Variants in COP1 observed in about 807,000 individuals in gnomAD.
The protein encoded by COP1 is E3 ubiquitin-protein ligase COP1.
In COP1, 24 loss-of-function variants were observed where a neutral mutation model predicts 101.3. That is an observed-to-expected ratio of 0.24 (90% CI 0.17 to 0.33). The LOEUF (loss-of-function observed/expected upper bound fraction) is 0.33, where lower values mean the gene tolerates loss of function less well. Among genes scored for constraint, COP1 ranks in the 10% least tolerant of loss-of-function variants. The pLI is 1.00. For synonymous variants in COP1, 347 were observed against 341.9 expected (o/e 1.01, Z -0.17); for missense variants, 663 against 906.2 (o/e 0.73, Z 3.45).
chr1:176,013,471 T>C (rs918824770), intron 15 of COP1, among the ~76,000 whole-genome samples: 1 of 152,176 alleles, frequency 6.6e-6, no homozygotes, highest in African/African-American at 2.4e-5. Context: ...GATTTAAGTT[T>C]CATTTAATGA....
intron 15 of COP1, among the ~76,000 whole-genome samples, chr1:175,997,590 G>C (rs553561504): frequency 6.6e-6 from 1 of 151,754 alleles, no homozygotes; most frequent in Non-Finnish European, 1.5e-5. Flanking sequence ...TGGGCGAAGG[G>C]AATGAACAGA....
rs1413220137 is a variant in COP1 at position 176,110,855 on chromosome 1, T to C, written c.1026+5769A>G. The stretch of plus-strand genomic sequence containing the variant: ...TATCAGTTTCCTTCTCAATAAAAAA[T>C]AGTAATAGAATTTATCAGCAGGGCG... On this transcript the variant is annotated intron_variant, in intron 9 of 19. Transcript: ENST00000367669. Among the ~76,000 whole-genome samples, 5 of 152,242 alleles carry C rather than the reference T, an allele frequency of 3.3e-5. No homozygotes were observed. In the East Asian group the frequency reaches 7.7e-4, roughly 24 times the overall value.
chr1:175,954,128 A>C (rs969720536), intron 18 of COP1, among the ~76,000 whole-genome samples: 25 of 152,234 alleles, frequency 1.6e-4, no homozygotes, highest in South Asian at 4.1e-4. Flanking sequence ...AGTAGAAAAG[A>C]ATAACAAAAA....
chr1:176,190,741 A>C lies in COP1; in HGVS notation c.408-6049T>G, dbSNP rs12144612. On this transcript the variant is annotated intron_variant, in intron 1 of 19. Coordinates refer to ENST00000367669, the MANE Select transcript of COP1 (RefSeq NM_022457.7). ...CATCCAAACTTATTAAGTGAATTTAATAAGTACTTACAAAGTACTATCTTA... is the reference window on the plus strand; with the variant it reads ...CATCCAAACTTATTAAGTGAATTTACTAAGTACTTACAAAGTACTATCTTA... Among the ~76,000 whole-genome samples, 257 of 152,078 alleles carry C rather than the reference A, an allele frequency of 1.7e-3. 1 individual carries two copies. The highest frequency in any genetic ancestry group is 5.9e-3 in the African/African-American group (246 of 41,550).
intron 14 of COP1, among the ~76,000 whole-genome samples, chr1:176,029,622 G>A (rs927343299): frequency 5.9e-5 from 9 of 152,148 alleles, no homozygotes; most frequent in Non-Finnish European, 1.2e-4. Context: ...TCCAGGTACT[G>A]TTGTTTTTTA....
intron 15 of COP1, among the ~76,000 whole-genome samples, chr1:176,009,613 T>C (rs1312146025): frequency 6.6e-6 from 1 of 152,166 alleles, no homozygotes; most frequent in Non-Finnish European, 1.5e-5. Flanking sequence ...AGAAACTGTA[T>C]TGGAGTACTC....
chr1:176,049,897 T>C (rs1672246358), intron 11 of COP1, among the ~76,000 whole-genome samples: 1 of 152,206 alleles, frequency 6.6e-6, no homozygotes, highest in African/African-American at 2.4e-5. Context: ...AGTGACTAGT[T>C]AGGCTGAGAC....
chr1:176,019,848 G>A (rs1666421863), intron 15 of COP1, among the ~76,000 whole-genome samples: 1 of 151,938 alleles, frequency 6.6e-6, no homozygotes. Context: ...ACCACAGAGG[G>A]AGAATCCTGT....
chr1:176,078,429 T>TA (rs1373231220), intron 11 of COP1, among the ~76,000 whole-genome samples: 3 of 152,132 alleles, frequency 2.0e-5, no homozygotes, highest in Admixed American at 2.0e-4. Flanking sequence ...GGTGCTTGGA[T>TA]AACTAGCTAG....
intron 11 of COP1, among the ~76,000 whole-genome samples, chr1:176,057,237 G>A (rs1231039730): frequency 6.6e-6 from 1 of 152,164 alleles, no homozygotes; most frequent in Non-Finnish European, 1.5e-5. Context: ...CATTTATATA[G>A]TTTGCTACAT....
At chr1:176,085,156 A>G (rs990163829) in intron 10 of COP1, among the ~76,000 whole-genome samples, 1 of 152,182 alleles carries the variant, frequency 6.6e-6, no homozygotes, top group Non-Finnish European at 1.5e-5. Flanking sequence ...GTTTCTAAGT[A>G]TCTTTTTCAG....
At chr1:176,125,720 T>C (rs894949050) in intron 8 of COP1, among the ~76,000 whole-genome samples, 1 of 152,208 alleles carries the variant, frequency 6.6e-6, no homozygotes, top group African/African-American at 2.4e-5. Flanking sequence ...TCTTTCGTGA[T>C]TCCATATAAA....
intron 15 of COP1, among the ~76,000 whole-genome samples, chr1:176,022,433 A>G (rs1471264928): frequency 2.6e-5 from 4 of 152,234 alleles, no homozygotes; most frequent in African/African-American, 9.6e-5. Context: ...CAGATTCATC[A>G]TCACAAATGA....
At chr1:176,202,917 T>G (rs1474542893) in intron 1 of COP1, among the ~76,000 whole-genome samples, 1 of 152,160 alleles carries the variant, frequency 6.6e-6, no homozygotes, top group Non-Finnish European at 1.5e-5. Flanking sequence ...ATTCTTCGAA[T>G]TAAATCATGA....
intron 14 of COP1, among the ~76,000 whole-genome samples, chr1:176,039,936 G>A (rs1039680283): frequency 6.6e-6 from 1 of 151,910 alleles, no homozygotes; most frequent in Non-Finnish European, 1.5e-5. Context: ...ATAAATATAG[G>A]AGCTTAAAAC....
chr1:176,202,512 C>A (rs1700372210), intron 1 of COP1, among the ~76,000 whole-genome samples: 1 of 151,798 alleles, frequency 6.6e-6, no homozygotes, highest in South Asian at 2.1e-4. Flanking sequence ...GTCTGAAAAA[C>A]AGAGCCACGT....
At chr1:176,063,052 T>TTG (rs1327290112) in intron 11 of COP1, among the ~76,000 whole-genome samples, 1 of 134,550 alleles carries the variant, frequency 7.4e-6, no homozygotes, top group African/African-American at 2.8e-5. Flanking sequence ...AAAATGTTTT[T>TTG]TTTTTTTTTT....
Position 175,989,452 on chromosome 1 carries a change from C to T in COP1, c.1757G>A (p.Arg586His), listed in dbSNP as rs1352317190. The T allele has an allele frequency of 1.3e-6, 2 of 1,599,440 alleles. No homozygotes were observed. The highest frequency in any genetic ancestry group is 1.7e-6 in the Non-Finnish European group (2 of 1,166,944). ...ADHCVHYYDL[R>H]NTKQPIMVFK... ...TACCATGATTGGCTGTTTAGTGTTA[C>T]GAAGATCATAGTAGTGGACACAGTG... Residue 586 changes from arginine (R) to histidine (H), a missense_variant, in exon 16 of 20, where the codon CGT (arginine) becomes CAT (histidine). Around this residue, in one of 4 missense-constraint regions of COP1, gnomAD observed 209 missense variants for 383.3 expected, o/e 0.55. Transcript: ENST00000367669.
At position 176,043,416 on chromosome 1, in the gene COP1, T is replaced by C. The variant is rs1425745142; in HGVS notation, c.1531-149A>G. The C allele has an allele frequency of 3.3e-5, 19 of 577,076 alleles. No individual in the cohort carries two copies. The East Asian group carries it at 5.2e-4, about 16-fold the overall frequency. 35.7% of individuals were successfully genotyped at this position (577,076 alleles called of 1,614,324 possible). A position where few individuals can be genotyped will look rare whatever the true frequency, so the allele number is the denominator to read the frequency against. ...AAACAAATGAAAAGCAAATAAGATG[T>C]TGATATAAAGTACTTCCAAAACTTT... On this transcript the variant is annotated intron_variant, in intron 13 of 19. Coordinates refer to ENST00000367669, the MANE Select transcript of COP1 (RefSeq NM_022457.7).
Sources: gnomAD v4.1 joint callset for allele counts (sites outside exome capture counted in the v4.1 genomes callset) on GRCh38, gnomAD v4.1.1 for gene constraint, gnomAD v4.1.1 regional missense constraint, MANE v1.5 for transcripts, NCBI Gene and HGNC (gene_info 2026-07-23, HGNC 2026-07-21) for gene names.